Variants in ZNF571 observed in about 807,000 individuals in gnomAD.
ZNF571 encodes the protein zinc finger protein 571.
A neutral mutation model predicts 7.7 loss-of-function variants in ZNF571; 4 were observed. That is an observed-to-expected ratio of 0.52 (90% CI 0.25 to 1.18). ZNF571 has a LOEUF of 1.18. Ranked by LOEUF, ZNF571 falls within the 50% of genes most tolerant of loss-of-function variation. ZNF571 has a pLI of 0.14. For synonymous variants in ZNF571, 251 were observed against 232.4 expected, an observed-to-expected ratio of 1.08 and a Z score of -0.73; for missense variants, 704 against 726.9, an observed-to-expected ratio of 0.97 and a Z score of 0.36.
At chr19:37,585,049 C>G (rs1337169875) in intron 2 of ZNF571, 2 of 152,026 alleles carry the variant, frequency 1.3e-5, no homozygotes, top group African/African-American at 4.8e-5. Flanking sequence ...ATGCATCTGG[C>G]ATGTTTTATT....
chr19:37,564,918 A>G lies in ZNF571; in HGVS notation c.1510T>C (p.Cys504Arg), dbSNP rs1329675987. The change falls in exon 4 of 4, where the codon TGT becomes CGT. Residue 504 changes from cysteine to arginine, a missense_variant. Physicochemically the swap from Cys to Arg is radical, Grantham distance 180. Coordinates refer to ENST00000451802, the MANE Select transcript of ZNF571 (RefSeq NM_016536.5). The stretch of plus-strand genomic sequence containing the variant: ...ATAAAGGCCTTGTCACATTCCTTAC[A>G]TTTGTAGGGCTTTTCACCTGTATGA... ...RIHTGEKPYK[C>R]KECDKAFIYG... The G allele has an allele frequency of 6.2e-7, 1 of 1,613,930 alleles. No individual in the cohort carries two copies.
intron 3 of ZNF571, among the ~76,000 whole-genome samples, chr19:37,580,572 C>T (rs987864446): frequency 4.6e-5 from 7 of 152,152 alleles, no homozygotes; most frequent in African/African-American, 9.7e-5. Context: ...CCCAGTATGG[C>T]GTCTTGGGGG....
rs201776146 is a variant in ZNF571, at chr19:37,565,088, A to G, written c.1340T>C (p.Phe447Ser). 36 of 1,606,344 alleles carry G rather than the reference A, an allele frequency of 2.2e-5. No individual in the cohort carries two copies. The highest frequency in any genetic ancestry group is 3.0e-5 in the Non-Finnish European group (35 of 1,177,138). The change falls in exon 4 of 4, where the codon TTT becomes TCT. Residue 447 changes from phenylalanine (F) to serine (S), a missense_variant. Transcript: ENST00000451802. Reference protein sequence around the residue: ...HQRIHTGEKPFECKECGKAFI... With the variant: ...HQRIHTGEKPSECKECGKAFI... Reference sequence around the variant, plus strand: ...GGCCTTTCCACATTCCTTACATTCAAAGGGTTTCTCACCTGTATGAATTCT... The same window carrying G: ...GGCCTTTCCACATTCCTTACATTCAGAGGGTTTCTCACCTGTATGAATTCT...
At chr19:37,590,501 T>G (rs2043838554) in intron 1 of ZNF571, among the ~76,000 whole-genome samples, 1 of 152,126 alleles carries the variant, frequency 6.6e-6, no homozygotes, top group African/African-American at 2.4e-5. Flanking sequence ...GATTAGACAA[T>G]TATTACATCT....
intron 3 of ZNF571, among the ~76,000 whole-genome samples, chr19:37,567,975 G>T (rs1464763691): frequency 2.6e-5 from 4 of 151,904 alleles, no homozygotes; most frequent in African/African-American, 9.7e-5. Flanking sequence ...TATTACTTAA[G>T]GCCAAATGTT....
chr19:37,565,396 A>G lies in ZNF571; in HGVS notation c.1032T>C (p.Phe344=). The G allele has an allele frequency of 6.2e-7, 1 of 1,613,790 alleles. No homozygotes were observed. The highest frequency in any genetic ancestry group is 1.1e-5 in the South Asian group (1 of 91,044). Residue 344 remains phenylalanine (F), a synonymous_variant, in exon 4 of 4, where the codon TTT becomes TTC. Coordinates refer to ENST00000451802, the MANE Select transcript of ZNF571 (RefSeq NM_016536.5). ...GTTCATTCAGTTGGGAGGCACATAA[A>G]AAGGCTTTCCCACATTCTTTACATA... ...PYICKECGKA[F]LCASQLNEHQ...
intron 2 of ZNF571, chr19:37,585,200 G>A (rs2043627798): frequency 6.6e-6 from 1 of 152,202 alleles, no homozygotes; most frequent in South Asian, 2.1e-4. Context: ...ATTGGTTCCT[G>A]GGCAAGAGGG....
intron 3 of ZNF571, among the ~76,000 whole-genome samples, chr19:37,566,869 A>G (rs1035302308): frequency 2.0e-5 from 3 of 152,158 alleles, no homozygotes; most frequent in Non-Finnish European, 4.4e-5. Flanking sequence ...ATAAAATCCA[A>G]AGTCCTTAAT....
chr19:37,571,827 T>C (rs568282179), intron 3 of ZNF571, among the ~76,000 whole-genome samples: 7 of 152,382 alleles, frequency 4.6e-5, no homozygotes, highest in African/African-American at 1.7e-4. Flanking sequence ...CAACAACTTT[T>C]TGGCTCCTAA....
At chr19:37,589,275 A>G (rs2043794744) in intron 1 of ZNF571, among the ~76,000 whole-genome samples, 1 of 151,904 alleles carries the variant, frequency 6.6e-6, no homozygotes, top group African/African-American at 2.4e-5. Flanking sequence ...TTCAGAGGGG[A>G]AAATTCTGTA....
intron 3 of ZNF571, among the ~76,000 whole-genome samples, chr19:37,578,221 T>C (rs1019037611): frequency 1.3e-5 from 2 of 152,076 alleles, no homozygotes; most frequent in African/African-American, 2.4e-5. Context: ...AAGGTTGGGA[T>C]AGCGCTGGTC....
At chr19:37,589,954 A>G (rs1230042112) in intron 1 of ZNF571, among the ~76,000 whole-genome samples, 2 of 151,772 alleles carry the variant, frequency 1.3e-5, no homozygotes, top group African/African-American at 2.4e-5. Flanking sequence ...CTACAAAATA[A>G]CAGGCCTGTA....
At chr19:37,583,689 C>T in intron 3 of ZNF571, 1 of 263,780 alleles carries the variant, frequency 3.8e-6, no homozygotes, top group South Asian at 6.6e-5. Context: ...AGGGACTGCA[C>T]ATACAGCTTA....
chr19:37,589,863 T>TTAAAA (rs1228213871), intron 1 of ZNF571, among the ~76,000 whole-genome samples: 1 of 2,334 alleles, frequency 4.3e-4, no homozygotes. Flanking sequence ...AGACTCCATC[T>TTAAAA]CAAAAAAAAA....
At position 37,566,092 on chromosome 19, in the gene ZNF571, A is replaced by T. The variant is rs1411229467; in HGVS notation, c.336T>A (p.Ile112=). The change falls in exon 4 of 4, where the codon ATT becomes ATA. Residue 112 remains isoleucine (I), a synonymous_variant. Transcript: ENST00000451802. ...SQEGLYMCVK[I]TCEEKATESH... is the part of the protein sequence containing the mutation. The stretch of plus-strand genomic sequence containing the variant: ...TTTCAGTGGCCTTTTCTTCACAGGT[A>T]ATTTTGACACACATGTAAAGCCCTT... The T allele has an allele frequency of 6.2e-7, 1 of 1,614,050 alleles. No individual in the cohort carries two copies. The highest frequency in any genetic ancestry group is 2.2e-5 in the East Asian group (1 of 44,874).
Position 37,565,688 on chromosome 19 carries a change from C to A in ZNF571, c.740G>T (p.Gly247Val). The change falls in exon 4 of 4, where the codon GGA (glycine) becomes GTA (valine). Residue 247 changes from glycine (G) to valine (V), a missense_variant. Gly to Val is a moderately radical substitution (Grantham distance 109). Coordinates refer to ENST00000451802, the MANE Select transcript of ZNF571 (RefSeq NM_016536.5). ...QLTEHQRVHTGEKPYECKKCG... is the reference protein window; with the variant it reads ...QLTEHQRVHTVEKPYECKKCG... ...TTTCTTACATTCATATGGTTTCTCT[C>A]CTGTATGAACTCTCTGATGTTCAGT... The A allele has an allele frequency of 6.2e-7, 1 of 1,613,804 alleles. No homozygotes were observed. The highest frequency in any genetic ancestry group is 1.1e-5 in the South Asian group (1 of 91,056).
chr19:37,580,273 G>A (rs2043406491), intron 3 of ZNF571, among the ~76,000 whole-genome samples: 1 of 152,184 alleles, frequency 6.6e-6, no homozygotes, highest in Admixed American at 6.5e-5. Context: ...CAATCCTCAT[G>A]ATATATACTG....
chr19:37,566,230 T>C lies in ZNF571; in HGVS notation c.198A>G (p.Glu66=), dbSNP rs1433653598. The C allele has an allele frequency of 6.2e-7, 1 of 1,613,626 alleles. No homozygotes were observed. The highest frequency in any genetic ancestry group is 1.3e-5 in the African/African-American group (1 of 74,924). Residue 66 remains glutamate, a synonymous_variant, in exon 4 of 4, where the codon GAA becomes GAG. Transcript: ENST00000451802. The part of the protein sequence containing the change: ...LSPEKEIYEM[E]SLQWENMGKR... Reference sequence around the variant, plus strand: ...TCCCCATATTCTCCCACTGGAGTGATTCCATTTCATAAATTTCCTTTTCTG... The same window carrying C: ...TCCCCATATTCTCCCACTGGAGTGACTCCATTTCATAAATTTCCTTTTCTG...
At chr19:37,588,868 C>T (rs920699977) in intron 1 of ZNF571, among the ~76,000 whole-genome samples, 12 of 151,706 alleles carry the variant, frequency 7.9e-5, no homozygotes, top group African/African-American at 2.9e-4. Context: ...TAACACATAC[C>T]CAAATTAACT....
Sources: allele counts gnomAD v4.1 joint callset (sites outside exome capture counted in the v4.1 genomes callset), GRCh38; gene constraint gnomAD v4.1.1; transcripts MANE v1.5; gene names NCBI Gene and HGNC (gene_info 2026-07-23, HGNC 2026-07-21).